KIAA1671: variants seen among roughly 807,000 people sequenced by gnomAD.
The protein encoded by KIAA1671 is KIAA1671.
KIAA1671 carries 52 observed loss-of-function variants against 131.2 expected under a neutral mutation model. The ratio of observed to expected loss-of-function variants is 0.40; its 90% CI spans 0.32 to 0.50. The LOEUF (loss-of-function observed/expected upper bound fraction) is 0.50. Among genes scored for constraint, KIAA1671 ranks in the 20% least tolerant of loss-of-function variants. The pLI is 0.73. For synonymous variants in KIAA1671, 1,003 were observed against 961.6 expected (o/e 1.04, Z -0.80); for missense variants, 2,360 against 2,364.2 (o/e 1.00, Z 0.04).
At chr22:25,189,816 T>A (rs1934609679) in intron 11 of KIAA1671, among the ~76,000 whole-genome samples, 1 of 152,172 alleles carries the variant, frequency 6.6e-6, no homozygotes, top group South Asian at 2.1e-4. Context: ...CTCACTGTGT[T>A]GCGTAGGCTG....
intron 12 of KIAA1671, among the ~76,000 whole-genome samples, chr22:25,191,434 G>A (rs946618212): frequency 1.3e-5 from 2 of 152,172 alleles, no homozygotes; most frequent in African/African-American, 2.4e-5. Flanking sequence ...GGGATTATAG[G>A]CGTGAGCCAC....
intron 10 of KIAA1671, 93 bp downstream of exon 10, chr22:25,181,916 G>A (rs1934290912): frequency 2.1e-6 from 3 of 1,396,858 alleles, no homozygotes; most frequent in Non-Finnish European, 1.9e-6. Context: ...AGTGGCTCAC[G>A]CCTGTAATCC....
chr22:25,127,971 G>A (rs953901082), intron 6 of KIAA1671, among the ~76,000 whole-genome samples: 1 of 152,208 alleles, frequency 6.6e-6, no homozygotes, highest in Non-Finnish European at 1.5e-5. Flanking sequence ...GACAACAGGG[G>A]TACAGATGGG....
intron 6 of KIAA1671, chr22:25,061,075 A>G (rs1211691686): frequency 1.3e-5 from 2 of 151,410 alleles, no homozygotes; most frequent in East Asian, 3.9e-4. Context: ...TGCCCCATTT[A>G]TTTTCATGGA....
At chr22:25,008,832 T>C (rs1054294928) in intron 1 of KIAA1671, among the ~76,000 whole-genome samples, 17 of 152,204 alleles carry the variant, frequency 1.1e-4, no homozygotes, top group African/African-American at 4.1e-4. Context: ...AATTCCCTTT[T>C]TGTGGTTAGG....
rs868786663 is a variant in KIAA1671 at position 25,174,338 on chromosome 22, C to T, written c.4748C>T (p.Ser1583Leu). ...SSLSSQTEPT[S>L]AGDQYDCSRD... Reference sequence around the variant, plus strand: ...CTGTCCTCCCAAACGGAGCCCACCTCGGCAGGGGACCAGTATGACTGCTCC... The same window carrying T: ...CTGTCCTCCCAAACGGAGCCCACCTTGGCAGGGGACCAGTATGACTGCTCC... The change falls in exon 8 of 13, where the codon TCG becomes TTG. Residue 1583 changes from serine (S) to leucine (L), a missense_variant. By Grantham distance (145) the Ser-to-Leu change is moderately radical (BLOSUM62 -2). This residue lies in a region of KIAA1671 where 1,161 missense variants were observed against 1,204.7 expected (regional missense o/e 0.96). Coordinates refer to ENST00000358431, the MANE Select transcript of KIAA1671 (RefSeq NM_001145206.2). 2.4e-5 allele frequency: 37 copies of T among 1,551,924 alleles called. No homozygotes were observed. The highest frequency in any genetic ancestry group is 6.8e-5 in the African/African-American group (5 of 73,048).
intron 1 of KIAA1671, among the ~76,000 whole-genome samples, chr22:24,967,976 G>C (rs1922395111): frequency 6.6e-6 from 1 of 152,172 alleles, no homozygotes; most frequent in Non-Finnish European, 1.5e-5. Flanking sequence ...CTGGGCGACA[G>C]AGTGAGACTC....
intron 1 of KIAA1671, among the ~76,000 whole-genome samples, chr22:25,004,160 AG>A (rs1159605349): frequency 2.0e-5 from 3 of 150,802 alleles, no homozygotes; most frequent in African/African-American, 7.3e-5. Flanking sequence ...CTGTTGTTCA[AG>A]GTGTTGTGCA....
Position 25,129,713 on chromosome 22 carries a change from A to G in KIAA1671, c.4531-41107A>G, listed in dbSNP as rs1440271284. ...TGCCCTGTTCCCCAGGCTGGAGTGC[A>G]GTGGCATGATCTTAGCTCACTTACT... On this transcript the variant is annotated intron_variant, in intron 6 of 12. Transcript: ENST00000358431. Among the ~76,000 whole-genome samples the G allele has an allele frequency of 2.7e-5, 4 of 147,422 alleles. No homozygotes were observed. The Admixed American group carries it at 2.7e-4, about 10-fold the overall frequency.
intron 1 of KIAA1671, among the ~76,000 whole-genome samples, chr22:24,990,200 C>CA (rs979969680): frequency 2.6e-4 from 40 of 152,220 alleles, no homozygotes; most frequent in African/African-American, 9.4e-4. Flanking sequence ...AAGTGATTCT[C>CA]CTGCCTCAGC....
At chr22:25,024,137 C>T (rs1205257207) in intron 1 of KIAA1671, 1 of 151,986 alleles carries the variant, frequency 6.6e-6, no homozygotes, top group African/African-American at 2.4e-5. Flanking sequence ...TGTAGAGGAG[C>T]GTGGACCAAG....
chr22:24,971,775 G>A (rs1469012296), intron 1 of KIAA1671, among the ~76,000 whole-genome samples: 1 of 152,182 alleles, frequency 6.6e-6, no homozygotes, highest in African/African-American at 2.4e-5. Context: ...TAGGTAGAGG[G>A]TTGGGGGGTT....
chr22:25,122,596 C>T lies in KIAA1671; in HGVS notation c.4531-48224C>T, dbSNP rs192961765. On this transcript the variant is annotated intron_variant, in intron 6 of 12. Coordinates refer to ENST00000358431, the MANE Select transcript of KIAA1671 (RefSeq NM_001145206.2). ...GCTGTTTTCTTCCATCTCAGCTTGC[C>T]CTTGAATTCTTTCTTGGACAAAGCC... is the stretch of plus-strand genomic sequence containing the variant. Among the ~76,000 whole-genome samples, 43 of 152,276 alleles carry T rather than the reference C, an allele frequency of 2.8e-4. No homozygotes were observed. In the East Asian group the frequency reaches 7.5e-3, roughly 27 times the overall value.
chr22:25,147,079 C>G (rs149587328), intron 6 of KIAA1671, among the ~76,000 whole-genome samples: 1 of 152,094 alleles, frequency 6.6e-6, no homozygotes, highest in Non-Finnish European at 1.5e-5. Flanking sequence ...GAGGGATGCT[C>G]CACCCCCTTC....
At chr22:25,169,748 C>T (rs1350363881) in intron 6 of KIAA1671, among the ~76,000 whole-genome samples, 1 of 151,942 alleles carries the variant, frequency 6.6e-6, no homozygotes, top group Non-Finnish European at 1.5e-5. Context: ...TAATCAGCAC[C>T]CTTGCTCCCT....
rs1405150920 is a variant in KIAA1671, at chr22:25,028,167, C to T, written c.168C>T (p.Ser56=). The change falls in exon 3 of 13, where the codon AGC becomes AGT. Residue 56 remains serine, a synonymous_variant. Transcript: ENST00000358431. Reference sequence around the variant, plus strand: ...TGGAAGCGAAGAGCCCCCTGCGGAGCCCGGCCCGGTTACTCCCTCTGCCAA... The same window carrying T: ...TGGAAGCGAAGAGCCCCCTGCGGAGTCCGGCCCGGTTACTCCCTCTGCCAA... ...RILEAKSPLR[S]PARLLPLPRL... 9.7e-6 allele frequency: 15 copies of T among 1,550,118 alleles called. No individual in the cohort carries two copies. In the East Asian group the frequency reaches 3.4e-4, roughly 35 times the overall value.
chr22:24,955,337 A>G (rs1602023747), intron 1 of KIAA1671, among the ~76,000 whole-genome samples: 1 of 152,232 alleles, frequency 6.6e-6, no homozygotes, highest in African/African-American at 2.4e-5. Flanking sequence ...CTTTGTGAAC[A>G]TATGCATTTG....
chr22:25,155,138 T>G (rs1396905501), intron 6 of KIAA1671, among the ~76,000 whole-genome samples: 1 of 152,250 alleles, frequency 6.6e-6, no homozygotes, highest in African/African-American at 2.4e-5. Flanking sequence ...TTGCTCTTTT[T>G]AAACCTATTC....
chr22:25,118,298 TCTC>T (rs924154756), intron 6 of KIAA1671, among the ~76,000 whole-genome samples: 1 of 151,816 alleles, frequency 6.6e-6, no homozygotes, highest in African/African-American at 2.4e-5. Flanking sequence ...CATGTCACTA[TCTC>T]CTCTTCTCTG....
Sources: allele counts gnomAD v4.1 joint callset (sites outside exome capture counted in the v4.1 genomes callset), GRCh38; gene constraint gnomAD v4.1.1; regional missense constraint gnomAD v4.1.1; transcripts MANE v1.5; gene names NCBI Gene and HGNC (gene_info 2026-07-23, HGNC 2026-07-21).